C1orf21: variants seen among roughly 807,000 people sequenced by gnomAD.
C1orf21 encodes chromosome 1 open reading frame 21.
Under a neutral mutation model 18.7 loss-of-function variants are expected in C1orf21, and 3 were observed. The observed-to-expected ratio is 0.16, with a 90% CI of 0.07 to 0.42. The LOEUF (loss-of-function observed/expected upper bound fraction) is 0.42. Among genes scored for constraint, C1orf21 ranks in the 10% least tolerant of loss-of-function variants. C1orf21 has a pLI of 0.99. For missense variants in C1orf21, 104 were observed against 143.6 expected, an observed-to-expected ratio of 0.72 and a Z score of 1.41; for synonymous variants, 41 against 46.4, an observed-to-expected ratio of 0.88 and a Z score of 0.47.
At chr1:184,438,062 A>G (rs1656885964) in intron 1 of C1orf21, among the ~76,000 whole-genome samples, 1 of 151,802 alleles carries the variant, frequency 6.6e-6, no homozygotes, top group Non-Finnish European at 1.5e-5. Flanking sequence ...CTCACCCACC[A>G]CTCACCTGCT....
chr1:184,505,944 T>C (rs1198504836), intron 2 of C1orf21, among the ~76,000 whole-genome samples: 4 of 152,142 alleles, frequency 2.6e-5, no homozygotes, highest in Admixed American at 6.5e-5. Context: ...CTTTTTTAAT[T>C]AGCAATTGTT....
intron 4 of C1orf21, among the ~76,000 whole-genome samples, chr1:184,595,769 A>T (rs191149001): frequency 6.6e-6 from 1 of 152,196 alleles, no homozygotes; most frequent in Non-Finnish European, 1.5e-5. Flanking sequence ...TGTCTGGTGC[A>T]TCAAGCTTCC....
At chr1:184,488,566 T>A (rs1571381918) in intron 2 of C1orf21, among the ~76,000 whole-genome samples, 2 of 152,248 alleles carry the variant, frequency 1.3e-5, no homozygotes, top group East Asian at 1.9e-4. Context: ...TTTTATTCTT[T>A]GAAGATATTC....
At chr1:184,553,370 T>A (rs1051374130) in intron 3 of C1orf21, among the ~76,000 whole-genome samples, 4 of 152,172 alleles carry the variant, frequency 2.6e-5, no homozygotes, top group Admixed American at 1.3e-4. Flanking sequence ...CACACATAAG[T>A]TTCATTCTAT....
At chr1:184,439,511 C>T (rs114781934) in intron 1 of C1orf21, among the ~76,000 whole-genome samples, 145 of 152,128 alleles carry the variant, frequency 9.5e-4, no homozygotes, top group African/African-American at 3.3e-3. Flanking sequence ...CACAGCCACA[C>T]ATACAAGACA....
chr1:184,619,398 A>G, intron 5 of C1orf21, 120 bp from the exon 6 acceptor site: 1 of 1,087,580 alleles, frequency 9.2e-7, no homozygotes, highest in Non-Finnish European at 1.4e-6. Context: ...GCTATCACTG[A>G]CAAAGCCTGG....
chr1:184,512,910 C>T (rs1321460936), intron 3 of C1orf21, among the ~76,000 whole-genome samples: 1 of 152,172 alleles, frequency 6.6e-6, no homozygotes, highest in Non-Finnish European at 1.5e-5. Context: ...TGCTCCTCAT[C>T]GCTCACATTA....
At chr1:184,442,357 G>A (rs1656960764) in intron 1 of C1orf21, among the ~76,000 whole-genome samples, 17 of 152,098 alleles carry the variant, frequency 1.1e-4, no homozygotes, top group Admixed American at 1.1e-3. Flanking sequence ...AAGTCACTTT[G>A]CCCCTCTGAG....
intron 1 of C1orf21, among the ~76,000 whole-genome samples, chr1:184,430,236 G>T (rs1656718429): frequency 6.6e-6 from 1 of 151,772 alleles, no homozygotes. Flanking sequence ...GTGATACTGA[G>T]AATATATCAG....
chr1:184,594,500 A>T (rs1659487106), intron 4 of C1orf21, among the ~76,000 whole-genome samples: 2 of 152,368 alleles, frequency 1.3e-5, no homozygotes, highest in South Asian at 4.1e-4. Flanking sequence ...AACAAACAGA[A>T]ACAGTTATGG....
intron 4 of C1orf21, among the ~76,000 whole-genome samples, chr1:184,597,601 C>T (rs956025195): frequency 2.0e-5 from 3 of 152,242 alleles, no homozygotes; most frequent in Admixed American, 2.0e-4. Flanking sequence ...TCCTTCACCT[C>T]CTTGAAACAC....
chr1:184,559,476 CTCCT>C lies in C1orf21; in HGVS notation c.190-31239_190-31236del, dbSNP rs541806211. Among the ~76,000 whole-genome samples the C allele has an allele frequency of 7.1e-3, 901 of 126,378 alleles. 72 individuals are homozygous for C. Among genetic ancestry groups the C allele is most frequent in the African/African-American group, 0.028 (820 of 29,618 alleles). The allele number at this position is 126,378 out of a possible 152,430, so 82.9% of individuals were successfully genotyped here. On this transcript the variant is annotated intron_variant, in intron 3 of 5. Transcript: ENST00000235307. ...AGGCATCTTTCTTTCTCTCCTTTCC[CTCCT>C]TCCTTCCTTCCTTCCTTCCTTCCCC...
intron 2 of C1orf21, among the ~76,000 whole-genome samples, chr1:184,501,681 G>A (rs1184247381): frequency 6.6e-6 from 1 of 152,210 alleles, no homozygotes; most frequent in Non-Finnish European, 1.5e-5. Flanking sequence ...TATTGTTGAA[G>A]TAAAGAAGAA....
At chr1:184,602,007 C>T (rs1659591393) in intron 5 of C1orf21, among the ~76,000 whole-genome samples, 2 of 152,084 alleles carry the variant, frequency 1.3e-5, no homozygotes, top group Non-Finnish European at 2.9e-5. Context: ...TTATAGAGTA[C>T]AATATAAATA....
chr1:184,426,916 T>C (rs1008232373), intron 1 of C1orf21, among the ~76,000 whole-genome samples: 4 of 152,156 alleles, frequency 2.6e-5, no homozygotes, highest in African/African-American at 9.7e-5. Flanking sequence ...GAGACCCTCC[T>C]GTGTGCAGGG....
chr1:184,543,424 G>A (rs565833318), intron 3 of C1orf21, among the ~76,000 whole-genome samples: 7 of 152,242 alleles, frequency 4.6e-5, no homozygotes, highest in South Asian at 4.1e-4. Flanking sequence ...TCACTTATTC[G>A]TCATGTACCA....
At chr1:184,455,471 G>A (rs1272150728) in intron 1 of C1orf21, among the ~76,000 whole-genome samples, 1 of 152,146 alleles carries the variant, frequency 6.6e-6, no homozygotes, top group Non-Finnish European at 1.5e-5. Context: ...GTTACACTTT[G>A]AGAAACAAAG....
intron 1 of C1orf21, among the ~76,000 whole-genome samples, chr1:184,416,616 T>C (rs1021245999): frequency 2.0e-5 from 3 of 152,178 alleles, no homozygotes; most frequent in African/African-American, 7.2e-5. Flanking sequence ...ACTGGTTTCA[T>C]TGCTTAAGGG....
intron 1 of C1orf21, among the ~76,000 whole-genome samples, chr1:184,413,645 G>A (rs1213751482): frequency 6.6e-6 from 1 of 152,124 alleles, no homozygotes; most frequent in South Asian, 2.1e-4. Context: ...TAGATACAGC[G>A]GCTGGCTGTC....
Sources: allele counts gnomAD v4.1 joint callset (sites outside exome capture counted in the v4.1 genomes callset), GRCh38; gene constraint gnomAD v4.1.1; transcripts MANE v1.5; gene names NCBI Gene and HGNC (gene_info 2026-07-23, HGNC 2026-07-21).